The following GPHN variants were observed in gnomAD, a reference collection of about 807,000 sequenced individuals.
GPHN encodes gephyrin.
GPHN carries 17 observed loss-of-function variants against 95.5 expected under a neutral mutation model. The observed-to-expected ratio is 0.18, with a 90% CI of 0.12 to 0.27. The LOEUF is 0.27. Among genes scored for constraint, GPHN ranks in the 10% least tolerant of loss-of-function variants. The pLI, the probability that GPHN is intolerant of heterozygous loss-of-function variation, is 1.00. For synonymous variants in GPHN, 320 were observed against 322.5 expected (o/e 0.99, Z 0.08); for missense variants, 660 against 978.1 (o/e 0.67, Z 4.34).
intron 17 of GPHN, among the ~76,000 whole-genome samples, chr14:67,123,491 A>G (rs144111981): frequency 5.3e-4 from 81 of 152,308 alleles, no homozygotes; most frequent in African/African-American, 1.9e-3. Flanking sequence ...TCTGACTAAC[A>G]TGGAGAAACC....
chr14:66,730,231 CAG>C (rs1416596004), intron 2 of GPHN, among the ~76,000 whole-genome samples: 1 of 152,182 alleles, frequency 6.6e-6, no homozygotes, highest in Non-Finnish European at 1.5e-5. Context: ...TCCGTGGACT[CAG>C]TGTCCTTAGA....
intron 2 of GPHN, among the ~76,000 whole-genome samples, chr14:66,739,743 A>G (rs1428922808): frequency 6.6e-6 from 1 of 152,134 alleles, no homozygotes; most frequent in Non-Finnish European, 1.5e-5. Context: ...TACTATGAAT[A>G]AGAATCATCA....
At chr14:67,496,387 C>T in the GPHN span, among the ~76,000 whole-genome samples, 11 of 59,946 alleles carry the variant, frequency 1.8e-4, no homozygotes, top group Non-Finnish European at 2.6e-4. Flanking sequence ...GCCACTGCTC[C>T]GGCGTTTTTT....
chr14:66,916,263 C>G (rs1285157323), intron 6 of GPHN, among the ~76,000 whole-genome samples, 194 bp downstream of exon 6: 2 of 152,080 alleles, frequency 1.3e-5, no homozygotes, highest in African/African-American at 4.8e-5. Context: ...GTTACACTTA[C>G]AGTTATGGTT....
At chr14:67,389,774 T>TAAAAAAAACA in the GPHN span, among the ~76,000 whole-genome samples, 1 of 147,000 alleles carries the variant, frequency 6.8e-6, no homozygotes, top group Non-Finnish European at 1.5e-5. Context: ...GTGTTTTTTT[T>TAAAAAAAACA]CTTTTTTTTT....
intron 15 of GPHN, 151 bp from the exon 16 acceptor site, chr14:67,112,867 T>C: frequency 3.0e-6 from 2 of 677,586 alleles, no homozygotes; most frequent in South Asian, 3.4e-5. Context: ...ATAGGATTTT[T>C]AGAATCCCTT....
At chr14:67,338,609 G>A in the GPHN span, 4 of 1,612,304 alleles carry the variant, frequency 2.5e-6, no homozygotes, top group South Asian at 3.3e-5. Flanking sequence ...CAAAGAACCA[G>A]AACAGGAAAG....
intron 4 of GPHN, among the ~76,000 whole-genome samples, chr14:66,849,033 TC>T (rs2062461852): frequency 6.6e-6 from 1 of 151,854 alleles, no homozygotes; most frequent in Non-Finnish European, 1.5e-5. Context: ...TCTAATTTAA[TC>T]CACACAAGCC....
chr14:67,251,707 C>T, the GPHN span, among the ~76,000 whole-genome samples: 1 of 152,158 alleles, frequency 6.6e-6, no homozygotes, highest in African/African-American at 2.4e-5. Context: ...TGACAGCTGA[C>T]CTAGAGCTTC....
At chr14:67,659,697 GAAAA>G in the GPHN span, 3 of 1,441,536 alleles carry the variant, frequency 2.1e-6, no homozygotes, top group African/African-American at 4.5e-5. Flanking sequence ...GCCCTTAAAG[GAAAA>G]AAAAAACAAA....
chr14:66,816,626 C>A (rs1370587037), intron 3 of GPHN, among the ~76,000 whole-genome samples: 3 of 152,068 alleles, frequency 2.0e-5, no homozygotes, highest in South Asian at 2.1e-4. Flanking sequence ...ATACAACATA[C>A]CAGAATCTCT....
At chr14:66,934,075 G>T (rs1467488714) in intron 8 of GPHN, among the ~76,000 whole-genome samples, 4 of 146,818 alleles carry the variant, frequency 2.7e-5, no homozygotes, top group Admixed American at 1.4e-4. Context: ...GGAGGTTGAG[G>T]TTGCAGTGAG....
chr14:67,359,214 T>A, the GPHN span, among the ~76,000 whole-genome samples: 1 of 152,200 alleles, frequency 6.6e-6, no homozygotes, highest in Admixed American at 6.5e-5. Flanking sequence ...TAGGGACCTC[T>A]TCTATATCCT....
chr14:67,039,522 A>C (rs1232860114), intron 10 of GPHN, among the ~76,000 whole-genome samples: 1 of 152,178 alleles, frequency 6.6e-6, no homozygotes, highest in Non-Finnish European at 1.5e-5. Flanking sequence ...GGCCAGGTGC[A>C]GTGGCTTGTG....
intron 1 of GPHN, among the ~76,000 whole-genome samples, chr14:66,668,470 T>G (rs1169136397): frequency 6.6e-6 from 1 of 152,186 alleles, no homozygotes; most frequent in Non-Finnish European, 1.5e-5. Flanking sequence ...AATGAAGATA[T>G]GTCCTTTGCA....
chr14:67,427,074 C>T, the GPHN span, among the ~76,000 whole-genome samples: 995 of 147,416 alleles, frequency 6.7e-3, 8 homozygotes, highest in African/African-American at 0.024. Context: ...TTGTGTCGCG[C>T]GGGGGAGGGA....
rs2060036203 is a variant in GPHN, at chr14:66,557,220, G to T, written c.64+48629G>T. On this transcript the variant is annotated intron_variant, in intron 1 of 22. Coordinates refer to ENST00000478722, the MANE Select transcript of GPHN (RefSeq NM_020806.5). The stretch of plus-strand genomic sequence containing the variant: ...TGACCCTGTCTGAAATAGATAGATA[G>T]ATAGATACATAGGTAGGTAGATAGA... Among the ~76,000 whole-genome samples the T allele has an allele frequency of 1.4e-5, 2 of 144,826 alleles. 1 individual carries two copies. The highest frequency in any genetic ancestry group is 1.4e-4 in the Admixed American group (2 of 13,818).
the GPHN span, among the ~76,000 whole-genome samples, chr14:67,689,735 C>A: frequency 6.6e-6 from 1 of 152,090 alleles, no homozygotes; most frequent in Non-Finnish European, 1.5e-5. Context: ...CCTGAGGTCA[C>A]GAGTTCAAGA....
intron 11 of GPHN, among the ~76,000 whole-genome samples, chr14:67,075,161 GAAGCC>G (rs571030621): frequency 6.6e-6 from 1 of 152,144 alleles, no homozygotes; most frequent in African/African-American, 2.4e-5. Flanking sequence ...ACTTTAAGTT[GAAGCC>G]AATACTCATT....
Sources: allele counts gnomAD v4.1 joint callset (sites outside exome capture counted in the v4.1 genomes callset), GRCh38; gene constraint gnomAD v4.1.1; transcripts MANE v1.5; gene names NCBI Gene and HGNC (gene_info 2026-07-23, HGNC 2026-07-21).